The following BEND7 variants were observed in gnomAD, a reference collection of about 807,000 sequenced individuals.
BEND7 encodes the protein BEN domain containing 7, also known as BEN domain-containing protein 7.
Under a neutral mutation model 50.9 loss-of-function variants are expected in BEND7, and 28 were observed. The ratio of observed to expected loss-of-function variants is 0.55; its 90% CI spans 0.41 to 0.75. The LOEUF is 0.75. Among genes scored for constraint, BEND7 ranks in the 30% least tolerant of loss-of-function variants. The pLI is 0.00. For synonymous variants in BEND7, 170 were observed against 183.9 expected (o/e 0.92, Z 0.61); for missense variants, 477 against 491.3 (o/e 0.97, Z 0.28).
At chr10:13,500,326 G>A (rs1012738999) in intron 2 of BEND7, among the ~76,000 whole-genome samples, 17 of 152,172 alleles carry the variant, frequency 1.1e-4, no homozygotes, top group East Asian at 9.6e-4. Flanking sequence ...GAGGTTTCTT[G>A]AGAGTGTGTC....
chr10:13,488,404 A>T (rs950952713), intron 5 of BEND7, among the ~76,000 whole-genome samples: 36 of 152,198 alleles, frequency 2.4e-4, no homozygotes, highest in African/African-American at 8.7e-4. Context: ...AACAGCGACC[A>T]TAAGAAATTA....
chr10:13,466,074 A>G lies in BEND7; in HGVS notation c.1064-13416T>C, dbSNP rs557018941. Among the ~76,000 whole-genome samples, 16 of 152,088 alleles carry G rather than the reference A, an allele frequency of 1.1e-4. No individual in the cohort carries two copies. The South Asian group carries it at 3.3e-3, about 32-fold the overall frequency. ...TAAGGAAGCACCCATTTATAATACA[A>G]CTGTTGGGAAACAAGAAGAACTTTC... On this transcript the variant is annotated intron_variant, in intron 6 of 8. Coordinates refer to ENST00000466271, the MANE Select transcript of BEND7 (RefSeq NM_001369863.1).
At chr10:13,472,289 C>G (rs2074939421) in intron 6 of BEND7, among the ~76,000 whole-genome samples, 1 of 152,162 alleles carries the variant, frequency 6.6e-6, no homozygotes, top group Admixed American at 6.5e-5. Flanking sequence ...CAATACCCAT[C>G]ATCACTATTA....
rs142212555 is a variant in BEND7, at chr10:13,459,143, A to C, written c.1064-6485T>G. Among the ~76,000 whole-genome samples the C allele has an allele frequency of 2.8e-3, 422 of 152,310 alleles. 3 individuals carry two copies. Among genetic ancestry groups the C allele is most frequent in the African/African-American group, 9.9e-3 (413 of 41,572 alleles). ...ATGGTAAACAAACAAAGCCATAGCT[A>C]AGTGCATCCTCCCATGTTGAACTTG... On this transcript the variant is annotated intron_variant, in intron 6 of 8. Coordinates refer to ENST00000466271, the MANE Select transcript of BEND7 (RefSeq NM_001369863.1).
chr10:13,483,690 T>TA lies in BEND7; in HGVS notation c.838-2567dup, dbSNP rs1234633075. On this transcript the variant is annotated intron_variant, in intron 5 of 8. Coordinates refer to ENST00000466271, the MANE Select transcript of BEND7 (RefSeq NM_001369863.1). ...CTACTCACTGAGCCCCCTCCATGTG[T>TA]AGGAATCTGAAGGCTGGTTCTGCAG... Among the ~76,000 whole-genome samples the TA allele has an allele frequency of 5.3e-5, 8 of 152,230 alleles. No homozygotes were observed. The South Asian group carries it at 1.0e-3, about 20-fold the overall frequency.
At chr10:13,514,218 A>C (rs1236743510) in intron 2 of BEND7, among the ~76,000 whole-genome samples, 1 of 152,192 alleles carries the variant, frequency 6.6e-6, no homozygotes, top group Admixed American at 6.5e-5. Flanking sequence ...AGCCTGGCCT[A>C]CTGGCTTCAA....
chr10:13,442,820 A>G (rs750329386), intron 8 of BEND7: 5 of 152,156 alleles, frequency 3.3e-5, no homozygotes, highest in Admixed American at 6.5e-5. Context: ...ACAAATGGCT[A>G]TTTGGGGGGC....
upstream of BEND7, among the ~76,000 whole-genome samples, chr10:13,529,268 C>G (rs1224049302): frequency 2.0e-5 from 3 of 150,666 alleles, no homozygotes; most frequent in African/African-American, 7.3e-5. Flanking sequence ...CTCGCAGACC[C>G]CGCTCGCTGG....
Position 13,441,462 on chromosome 10 carries a change from G to T in BEND7, c.*281C>A. 8.4e-7 allele frequency: 1 copy of T among 1,191,836 alleles called. No individual in the cohort carries two copies. Among genetic ancestry groups the T allele is most frequent in the Admixed American group, 4.8e-5 (1 of 20,668 alleles). 73.8% of individuals were successfully genotyped at this position (1,191,836 alleles called of 1,614,324 possible). Reference sequence around the variant, plus strand: ...CGTTCATCGCACACATCTTTGGGTTGAACAAGCTCCACCCGTCCTCAAGTG... The same window carrying T: ...CGTTCATCGCACACATCTTTGGGTTTAACAAGCTCCACCCGTCCTCAAGTG... On this transcript the variant is annotated 3_prime_UTR_variant, in exon 9 of 9. Coordinates refer to ENST00000466271, the MANE Select transcript of BEND7 (RefSeq NM_001369863.1).
At chr10:13,522,541 CA>C (rs1275413621) in intron 2 of BEND7, among the ~76,000 whole-genome samples, 31 of 151,338 alleles carry the variant, frequency 2.0e-4, no homozygotes, top group African/African-American at 7.3e-4. Context: ...CTTTCTAAAC[CA>C]TAAGTGCAAC....
intron 7 of BEND7, among the ~76,000 whole-genome samples, chr10:13,448,645 A>G (rs929911391): frequency 1.3e-5 from 2 of 152,156 alleles, no homozygotes; most frequent in Admixed American, 1.3e-4. Context: ...TAGATCCACC[A>G]CAAAGAGAAA....
chr10:13,500,002 T>C lies in BEND7; in HGVS notation c.224A>G (p.Gln75Arg). The C allele has an allele frequency of 1.9e-6, 3 of 1,614,244 alleles. No individual in the cohort carries two copies. The highest frequency in any genetic ancestry group is 2.5e-6 in the Non-Finnish European group (3 of 1,180,036). ...LLNDSTGRIYQRVGKEGEKLK... is the reference protein window; with the variant it reads ...LLNDSTGRIYRRVGKEGEKLK... ...TTTCTCTCCTTCTTTGCCAACTCGC[T>C]GATAGATCCGCCCAGTGCTGTCGTT... The change falls in exon 3 of 9, where the codon CAG becomes CGG. Residue 75 changes from glutamine (Q) to arginine (R), a missense_variant. By Grantham distance (43) the Gln-to-Arg change is conservative. Transcript: ENST00000466271.
chr10:13,452,065 G>A (rs986416408), intron 7 of BEND7, among the ~76,000 whole-genome samples: 1 of 152,044 alleles, frequency 6.6e-6, no homozygotes, highest in African/African-American at 2.4e-5. Flanking sequence ...CACACAACCC[G>A]TGCATGGACG....
intron 5 of BEND7, among the ~76,000 whole-genome samples, chr10:13,488,686 A>G (rs1329815785): frequency 6.6e-6 from 1 of 152,058 alleles, no homozygotes; most frequent in Non-Finnish European, 1.5e-5. Flanking sequence ...ACGGGGTTTC[A>G]CCATGTTGGC....
At position 13,457,935 on chromosome 10, in the gene BEND7, C is replaced by T. The variant is rs143025389; in HGVS notation, c.1064-5277G>A. Among the ~76,000 whole-genome samples the T allele has an allele frequency of 8.7e-3, 1,322 of 152,308 alleles. 22 individuals are homozygous for T. Among genetic ancestry groups the T allele is most frequent in the African/African-American group, 0.029 (1,217 of 41,562 alleles). The stretch of plus-strand genomic sequence containing the variant: ...CAATAGGTTCTAAAAAGAAATCTCC[C>T]TCCTTTCCTATTTTAATATATGAAG... On this transcript the variant is annotated intron_variant, in intron 6 of 8. Transcript: ENST00000466271.
At chr10:13,478,526 G>C (rs1308107194) in intron 6 of BEND7, among the ~76,000 whole-genome samples, 3 of 152,134 alleles carry the variant, frequency 2.0e-5, no homozygotes, top group Non-Finnish European at 4.4e-5. Flanking sequence ...AGAATGAATG[G>C]AATTTTCTTA....
rs1011017996 is a variant in BEND7, at chr10:13,441,416, C to T, written c.*327G>A. ...TGATTTTGCTGTTGCAGTTTTGATACGTATTTCCAGTGTGTAGATCCGTTC... is the reference window on the plus strand; with the variant it reads ...TGATTTTGCTGTTGCAGTTTTGATATGTATTTCCAGTGTGTAGATCCGTTC... On this transcript the variant is annotated 3_prime_UTR_variant, in exon 9 of 9. Transcript: ENST00000466271. 5 of 1,151,118 alleles carry T rather than the reference C, an allele frequency of 4.3e-6. No individual in the cohort carries two copies. The highest frequency in any genetic ancestry group is 4.3e-5 in the South Asian group (1 of 23,274). 71.3% of individuals were successfully genotyped at this position (1,151,118 alleles called of 1,614,324 possible).
At chr10:13,449,670 A>G (rs1446500180) in intron 7 of BEND7, among the ~76,000 whole-genome samples, 3 of 152,240 alleles carry the variant, frequency 2.0e-5, no homozygotes. Context: ...AGTTATAACA[A>G]GATCAGTTTT....
chr10:13,492,992 T>C (rs930051964), intron 4 of BEND7, 116 bp from the exon 5 acceptor site: 1 of 1,216,342 alleles, frequency 8.2e-7, no homozygotes, highest in African/African-American at 1.5e-5. Context: ...AACTCCAGGA[T>C]GAAGCACACT....
Sources: gnomAD v4.1 joint callset for allele counts (sites outside exome capture counted in the v4.1 genomes callset) on GRCh38, gnomAD v4.1.1 for gene constraint, MANE v1.5 for transcripts, NCBI Gene and HGNC (gene_info 2026-07-23, HGNC 2026-07-21) for gene names.